ATPAF2: variants seen among roughly 807,000 people sequenced by gnomAD.
The protein encoded by ATPAF2 is ATP synthase mitochondrial F1 complex assembly factor 2, also known as ATP12 homolog.
In ATPAF2, 30 loss-of-function variants were observed where a neutral mutation model predicts 36.6. The observed-to-expected ratio is 0.82, with a 90% CI of 0.61 to 1.11. ATPAF2 has a LOEUF of 1.11. Among genes scored for constraint, ATPAF2 ranks in the 50% most tolerant of loss-of-function variants. The pLI is 0.00. For synonymous variants in ATPAF2, 140 were observed against 152.6 expected, an observed-to-expected ratio of 0.92 and a Z score of 0.61; for missense variants, 321 against 372.3, an observed-to-expected ratio of 0.86 and a Z score of 1.13.
At chr17:18,034,316 G>C (rs771538603) in intron 1 of ATPAF2, among the ~76,000 whole-genome samples, 2 of 152,040 alleles carry the variant, frequency 1.3e-5, no homozygotes, top group Non-Finnish European at 2.9e-5. Flanking sequence ...GAGGTGTGAG[G>C]CTCGCTTGAG....
At chr17:18,036,994 C>T (rs781706679) in intron 1 of ATPAF2, among the ~76,000 whole-genome samples, 2 of 152,182 alleles carry the variant, frequency 1.3e-5, no homozygotes, top group African/African-American at 4.8e-5. Flanking sequence ...TTGCTTGAAT[C>T]TGGGAGGTAG....
rs369580601 is a variant in ATPAF2, at chr17:18,028,219, G to T, written c.324+13C>A. The T allele has an allele frequency of 4.3e-6, 7 of 1,614,162 alleles. No individual in the cohort carries two copies. Among genetic ancestry groups the T allele is most frequent in the Non-Finnish European group, 5.9e-6 (7 of 1,180,024 alleles). Reference sequence around the variant, plus strand: ...GGGTCTCAGGGTCCAGGTTCACACTGTGAACTTGTTACCAGGTGCATGGTG... The same window carrying T: ...GGGTCTCAGGGTCCAGGTTCACACTTTGAACTTGTTACCAGGTGCATGGTG... On this transcript the variant is annotated intron_variant, in intron 3 of 7. Transcript: ENST00000474627.
chr17:18,020,240 T>C (rs1022776517), intron 7 of ATPAF2, among the ~76,000 whole-genome samples: 1 of 152,198 alleles, frequency 6.6e-6, no homozygotes, highest in Admixed American at 6.5e-5. Context: ...CAAACCATAC[T>C]GTGGCAAAAC....
chr17:18,027,792 C>G (rs1394202691), intron 3 of ATPAF2, among the ~76,000 whole-genome samples: 1 of 152,238 alleles, frequency 6.6e-6, no homozygotes, highest in Non-Finnish European at 1.5e-5. Flanking sequence ...AACTAAATTA[C>G]CTGCTAGTGG....
At chr17:18,026,571 C>T in intron 3 of ATPAF2, 155 bp from the exon 4 acceptor site, 1 of 694,272 alleles carries the variant, frequency 1.4e-6, no homozygotes, top group Non-Finnish European at 2.6e-6. Flanking sequence ...AGCACAGCTA[C>T]TGAGAGTGTG....
Position 18,026,391 on chromosome 17 carries a change from T to C in ATPAF2, c.350A>G (p.Asp117Gly). Residue 117 changes from aspartate to glycine, a missense_variant, in exon 4 of 8, where the codon GAC (aspartate) becomes GGC (glycine). Transcript: ENST00000474627. Reference protein sequence around the residue: ...HLTTLCNTSLDNPTQRNKDQL... With the variant: ...HLTTLCNTSLGNPTQRNKDQL... Reference sequence around the variant, plus strand: ...ATCCTTGTTTCTCTGGGTTGGGTTGTCCAATGATGTGTTGCACAATGTGGT... The same window carrying C: ...ATCCTTGTTTCTCTGGGTTGGGTTGCCCAATGATGTGTTGCACAATGTGGT... 6.2e-7 allele frequency: 1 copy of C among 1,614,196 alleles called. No individual in the cohort carries two copies. The highest frequency in any genetic ancestry group is 8.5e-7 in the Non-Finnish European group (1 of 1,180,028).
intron 1 of ATPAF2, among the ~76,000 whole-genome samples, chr17:18,033,689 C>G (rs1172129813): frequency 6.6e-6 from 1 of 152,150 alleles, no homozygotes; most frequent in East Asian, 1.9e-4. Flanking sequence ...ACAGTGCCAT[C>G]TGGTGGGCCT....
chr17:18,017,598 TGTGACA>T (rs1568560927), downstream of ATPAF2, among the ~76,000 whole-genome samples: 1 of 152,190 alleles, frequency 6.6e-6, no homozygotes, highest in African/African-American at 2.4e-5. Flanking sequence ...TGGTGTCATC[TGTGACA>T]GTACCTCACA....
intron 5 of ATPAF2, among the ~76,000 whole-genome samples, chr17:18,022,942 G>A (rs915259716): frequency 2.0e-5 from 3 of 151,766 alleles, no homozygotes; most frequent in South Asian, 4.1e-4. Flanking sequence ...TGGCTAACAC[G>A]GTGAGACGCC....
At chr17:18,021,474 C>T (rs1455786897) in intron 6 of ATPAF2, 2 of 634,086 alleles carry the variant, frequency 3.2e-6, no homozygotes, top group African/African-American at 3.6e-5. Flanking sequence ...CGCACCCAGT[C>T]TAGTGATTGG....
At chr17:18,023,865 G>A (rs1230789648) in intron 5 of ATPAF2, among the ~76,000 whole-genome samples, 1 of 152,060 alleles carries the variant, frequency 6.6e-6, no homozygotes, top group African/African-American at 2.4e-5. Context: ...ATTTCCCTTG[G>A]GATCAAATGA....
chr17:18,022,926 C>T (rs2044491844), intron 5 of ATPAF2, among the ~76,000 whole-genome samples: 1 of 151,630 alleles, frequency 6.6e-6, no homozygotes, highest in African/African-American at 2.4e-5. Flanking sequence ...GAGATTGAGA[C>T]CATCCTGGCT....
In ATPAF2 at chr17:18,018,319, A is replaced by G. The variant is rs2044413922; in HGVS notation, c.*230T>C. ...GAGTCGAGAGAAAGTCACTTGCACA[A>G]TTCATCTCCTACATTCACTGCTGGC... is the stretch of plus-strand genomic sequence containing the variant. On this transcript the variant is annotated 3_prime_UTR_variant, in exon 8 of 8. Transcript: ENST00000474627. 6.8e-6 allele frequency: 4 copies of G among 591,806 alleles called. No homozygotes were observed. The highest frequency in any genetic ancestry group is 2.0e-5 in the South Asian group (1 of 51,006). The allele number at this position is 591,806 out of a possible 1,614,324, so 36.7% of individuals were successfully genotyped here. A position where few individuals can be genotyped will look rare whatever the true frequency, so the allele number is the denominator to read the frequency against.
At chr17:18,018,786 AGGTTTGTAT>A in intron 7 of ATPAF2, 100 bp from the exon 8 acceptor site, 1 of 1,569,890 alleles carries the variant, frequency 6.4e-7, no homozygotes, top group Non-Finnish European at 8.7e-7. Flanking sequence ...TGAGGGCAAC[AGGTTTGTAT>A]CTTGCCAAAA....
chr17:18,020,876 G>T, intron 7 of ATPAF2: 1 of 879,230 alleles, frequency 1.1e-6, no homozygotes, highest in South Asian at 1.9e-5. Flanking sequence ...GCCCAGGCTG[G>T]TCTCAAACTC....
At chr17:18,026,764 C>G in intron 3 of ATPAF2, 1 of 378,020 alleles carries the variant, frequency 2.6e-6, no homozygotes, top group East Asian at 5.9e-5. Context: ...TTATGTCCAT[C>G]TGGGATGTGA....
At chr17:18,037,355 C>T (rs975349266) in intron 1 of ATPAF2, among the ~76,000 whole-genome samples, 15 of 152,054 alleles carry the variant, frequency 9.9e-5, no homozygotes, top group Admixed American at 5.2e-4. Context: ...TTTGGGAGGC[C>T]GAGGTGGGCG....
chr17:18,038,324 CCA>C (rs1186742994), intron 1 of ATPAF2, among the ~76,000 whole-genome samples: 1 of 152,168 alleles, frequency 6.6e-6, no homozygotes, highest in Non-Finnish European at 1.5e-5. Context: ...GGAGGTGACT[CCA>C]CAGTCAGAGG....
Position 18,018,560 on chromosome 17 carries a change from G to A in ATPAF2, c.859C>T (p.Leu287=). 1 of 1,613,772 alleles carries A rather than the reference G, an allele frequency of 6.2e-7. No homozygotes were observed. Residue 287 remains leucine (L), a synonymous_variant, in exon 8 of 8, where the codon CTG becomes TTG. Coordinates refer to ENST00000474627, the MANE Select transcript of ATPAF2 (RefSeq NM_145691.4). ...GCTCTGCCCAGGCCTCACTCCTTCAGGAGCTTGTGCTTGACTGTGGTGCTC... is the reference window on the plus strand; with the variant it reads ...GCTCTGCCCAGGCCTCACTCCTTCAAGAGCTTGTGCTTGACTGTGGTGCTC... ...SESTTVKHKL[L]KE
Sources: gnomAD v4.1 joint callset for allele counts (sites outside exome capture counted in the v4.1 genomes callset) on GRCh38, gnomAD v4.1.1 for gene constraint, MANE v1.5 for transcripts, NCBI Gene and HGNC (gene_info 2026-07-23, HGNC 2026-07-21) for gene names.